HSD17B13: variants seen among roughly 807,000 people sequenced by gnomAD.
HSD17B13 encodes the protein hydroxysteroid 17-beta dehydrogenase 13, also known as 17-beta-hydroxysteroid dehydrogenase 13.
In HSD17B13, 26 loss-of-function variants were observed where a neutral mutation model predicts 31.1. The observed-to-expected ratio is 0.84, with a 90% CI of 0.61 to 1.16. The LOEUF is 1.16. Ranked by LOEUF, HSD17B13 falls within the 50% of genes most tolerant of loss-of-function variation. The pLI is 0.00. For synonymous variants in HSD17B13, 141 were observed against 133.7 expected (o/e 1.05, Z -0.38); for missense variants, 374 against 366.5 (o/e 1.02, Z -0.17).
chr4:87,315,324 A>G (rs1054693650), intron 4 of HSD17B13, among the ~76,000 whole-genome samples, 169 bp downstream of exon 4: 1 of 152,226 alleles, frequency 6.6e-6, no homozygotes, highest in Non-Finnish European at 1.5e-5. Context: ...TTCATTTTCA[A>G]TAAATCTCTG....
chr4:87,319,920 T>C (rs556089032), intron 1 of HSD17B13, among the ~76,000 whole-genome samples: 1 of 152,364 alleles, frequency 6.6e-6, no homozygotes, highest in South Asian at 2.1e-4. Context: ...CAGGTGACTT[T>C]TATAGAAAAT....
At chr4:87,317,347 A>G (rs1205230004) in intron 2 of HSD17B13, 124 bp from the exon 3 acceptor site, 5 of 926,308 alleles carry the variant, frequency 5.4e-6, no homozygotes, top group Non-Finnish European at 8.2e-6. Context: ...TTCAGGCAAG[A>G]CAGACTGTTG....
intron 3 of HSD17B13, 90 bp downstream of exon 3, chr4:87,317,002 T>G (rs1734663375): frequency 1.5e-6 from 2 of 1,301,184 alleles, no homozygotes; most frequent in African/African-American, 2.9e-5. Context: ...CTGGCCAGTT[T>G]CCTGTCCAGA....
intron 6 of HSD17B13, among the ~76,000 whole-genome samples, chr4:87,308,485 T>TAAAAAAAAAAAA (rs893354684): frequency 3.0e-5 from 1 of 33,196 alleles, no homozygotes; most frequent in African/African-American, 6.1e-5. Context: ...CCGTCTCTAC[T>TAAAAAAAAAAAA]AAAAAAAAAA....
At chr4:87,317,502 T>C (rs1034951501) in intron 2 of HSD17B13, among the ~76,000 whole-genome samples, 5 of 150,922 alleles carry the variant, frequency 3.3e-5, no homozygotes, top group Non-Finnish European at 5.9e-5. Context: ...TAAATTCCTA[T>C]ATAAATTCTG....
rs2110103940 is a variant in HSD17B13, at chr4:87,318,787, G to A, written c.211-351C>T. On this transcript the variant is annotated intron_variant, in intron 1 of 6. Coordinates refer to ENST00000328546, the MANE Select transcript of HSD17B13 (RefSeq NM_178135.5). The stretch of plus-strand genomic sequence containing the variant: ...GACTCCAGCCTGGGCAACAGAGTGA[G>A]ACTCTGTCTCAAAAAAAAAAAAAAA... Among the ~76,000 whole-genome samples the A allele has an allele frequency of 1.5e-5, 2 of 131,488 alleles. 1 individual carries two copies. Among genetic ancestry groups the A allele is most frequent in the Middle Eastern group, 8.9e-3 (2 of 224 alleles). The allele number at this position is 131,488 out of a possible 152,430, so 86.3% of individuals were successfully genotyped here.
At chr4:87,314,634 C>G (rs1359031869) in intron 4 of HSD17B13, among the ~76,000 whole-genome samples, 1 of 139,914 alleles carries the variant, frequency 7.1e-6, no homozygotes, top group African/African-American at 3.0e-5. Flanking sequence ...CTCTCTCTCT[C>G]TCTCTCTCAC....
chr4:87,313,679 A>T, intron 5 of HSD17B13, 144 bp downstream of exon 5: 1 of 652,298 alleles, frequency 1.5e-6, no homozygotes, highest in Non-Finnish European at 2.5e-6. Flanking sequence ...TTATTCCTTT[A>T]ATTTCAAGAT....
chr4:87,309,101 G>A lies in HSD17B13; in HGVS notation c.812+1142C>T, dbSNP rs114378165. On this transcript the variant is annotated intron_variant, in intron 6 of 6. Transcript: ENST00000328546. ...ATTAGCGTCAAAAACCGTCAAATAG[G>A]GCTGGGCATGATGGCTCATGCCTGT... Among the ~76,000 whole-genome samples the A allele has an allele frequency of 4.5e-3, 685 of 152,090 alleles. 5 individuals are homozygous for A. Among genetic ancestry groups the A allele is most frequent in the African/African-American group, 0.015 (638 of 41,502 alleles).
intron 6 of HSD17B13, among the ~76,000 whole-genome samples, chr4:87,308,525 A>C (rs1165015651): frequency 3.7e-5 from 5 of 135,382 alleles, no homozygotes; most frequent in African/African-American, 5.8e-5. Context: ...AAAAAAAAAA[A>C]AAAAAATAAG....
rs772159527 is a variant in HSD17B13, at chr4:87,305,287, T to C, written c.834A>G (p.Ser278=). ...TATTCTGCATACGATTTAAAATCGC[T>C]GAGGCGCGTTCAGGAAGAAACCTGT... is the stretch of plus-strand genomic sequence containing the variant. The part of the protein sequence containing the change: ...RLQKFLPERA[S]AILNRMQNIQ... The change falls in exon 7 of 7, where the codon TCA becomes TCG. Residue 278 remains serine, a synonymous_variant. Coordinates refer to ENST00000328546, the MANE Select transcript of HSD17B13 (RefSeq NM_178135.5). The C allele has an allele frequency of 1.2e-6, 2 of 1,605,762 alleles. No homozygotes were observed. Among genetic ancestry groups the C allele is most frequent in the Non-Finnish European group, 1.7e-6 (2 of 1,177,976 alleles).
rs1734363890 is a variant in HSD17B13 at position 87,305,271 on chromosome 4, T to C, written c.850A>G (p.Met284Val). The C allele has an allele frequency of 2.5e-6, 4 of 1,608,614 alleles. No individual in the cohort carries two copies. Among genetic ancestry groups the C allele is most frequent in the Non-Finnish European group, 3.4e-6 (4 of 1,178,788 alleles). ...PERASAILNR[M>V]QNIQFEAVVG... The stretch of plus-strand genomic sequence containing the variant: ...ACTGCTTCAAATTGAATATTCTGCA[T>C]ACGATTTAAAATCGCTGAGGCGCGT... Residue 284 changes from methionine (M) to valine (V), a missense_variant, in exon 7 of 7, where the codon ATG becomes GTG. By Grantham distance (21) the Met-to-Val change is conservative. Coordinates refer to ENST00000328546, the MANE Select transcript of HSD17B13 (RefSeq NM_178135.5).
intron 5 of HSD17B13, among the ~76,000 whole-genome samples, chr4:87,312,930 G>A (rs918875965): frequency 2.6e-5 from 4 of 151,268 alleles, no homozygotes; most frequent in Admixed American, 2.6e-4. Context: ...CGTGGTGGTG[G>A]GCGCCTGTAA....
At chr4:87,315,663 G>T in intron 3 of HSD17B13, 64 bp from the exon 4 acceptor site, 3 of 1,012,694 alleles carry the variant, frequency 3.0e-6, no homozygotes, top group Non-Finnish European at 4.4e-6. Flanking sequence ...AAATCAGGTA[G>T]TTTTATTTTT....
intron 6 of HSD17B13, among the ~76,000 whole-genome samples, chr4:87,305,836 G>A (rs532051618): frequency 1.3e-5 from 2 of 152,294 alleles, no homozygotes; most frequent in South Asian, 4.1e-4. Context: ...TGCATTTGAA[G>A]CTGGAAGAAA....
At chr4:87,319,093 A>G (rs1309771057) in intron 1 of HSD17B13, among the ~76,000 whole-genome samples, 3 of 152,136 alleles carry the variant, frequency 2.0e-5, no homozygotes, top group Admixed American at 2.0e-4. Context: ...TAGACAGGAG[A>G]ATCACTTGAA....
intron 5 of HSD17B13, among the ~76,000 whole-genome samples, chr4:87,312,145 A>C (rs1734543806): frequency 6.6e-6 from 1 of 152,180 alleles, no homozygotes; most frequent in Non-Finnish European, 1.5e-5. Context: ...CTCATGGTAC[A>C]CGAAGCCTGA....
chr4:87,305,321 G>T lies in HSD17B13; in HGVS notation c.813-13C>A. ...TTCAGGAAGAAACCTGTACAAAAAA[G>T]AAAAAAAAATTGAAAAATTTTCCAT... On this transcript the variant is annotated splice_polypyrimidine_tract_variant and intron_variant, in intron 6 of 6. Transcript: ENST00000328546. 1 of 1,538,910 alleles carries T rather than the reference G, an allele frequency of 6.5e-7. No individual in the cohort carries two copies. Among genetic ancestry groups the T allele is most frequent in the Non-Finnish European group, 8.7e-7 (1 of 1,144,280 alleles).
intron 6 of HSD17B13, 103 bp downstream of exon 6, chr4:87,310,140 A>G: frequency 2.7e-5 from 37 of 1,390,234 alleles, no homozygotes; most frequent in Non-Finnish European, 3.3e-5. Context: ...AACCACCGCA[A>G]TCCAGCCAGG....
Sources: gnomAD v4.1 joint callset for allele counts (sites outside exome capture counted in the v4.1 genomes callset) on GRCh38, gnomAD v4.1.1 for gene constraint, MANE v1.5 for transcripts, NCBI Gene and HGNC (gene_info 2026-07-23, HGNC 2026-07-21) for gene names.